Variants in KIF1B observed in about 807,000 individuals in gnomAD.
The protein encoded by KIF1B is kinesin-like protein KIF1B.
KIF1B carries 76 observed loss-of-function variants against 241.9 expected under a neutral mutation model. The ratio of observed to expected loss-of-function variants is 0.31; its 90% CI spans 0.26 to 0.38. KIF1B has a LOEUF of 0.38. KIF1B is among the 10% of genes least tolerant of loss of function. The pLI is 1.00. For synonymous variants in KIF1B, 750 were observed against 796.7 expected (o/e 0.94, Z 0.99); for missense variants, 1,622 against 2,271.4 (o/e 0.71, Z 5.81).
At chr1:10,341,932 A>G (rs1175015134) in intron 32 of KIF1B, 118 bp from the exon 33 acceptor site, 10 of 758,448 alleles carry the variant, frequency 1.3e-5, no homozygotes, top group Middle Eastern at 3.2e-4. Context: ...TTTGCGTGCT[A>G]CAGAGCAAGA....
chr1:10,212,985 C>T (rs1159635082), intron 1 of KIF1B, among the ~76,000 whole-genome samples: 3 of 147,914 alleles, frequency 2.0e-5, no homozygotes, highest in Non-Finnish European at 4.5e-5. Context: ...GGTCTTAACA[C>T]TATTTTTTTG....
intron 22 of KIF1B, chr1:10,304,796 A>T: frequency 3.3e-6 from 5 of 1,502,576 alleles, no homozygotes; most frequent in Non-Finnish European, 4.4e-6. Flanking sequence ...AAACACTGGT[A>T]AAAGTTTCAA....
rs549706683 is a variant in KIF1B, at chr1:10,340,103, A to C, written c.3513+244A>C. Among the ~76,000 whole-genome samples the C allele has an allele frequency of 7.9e-5, 12 of 152,340 alleles. No individual in the cohort carries two copies. In the South Asian group the frequency reaches 2.5e-3, roughly 32 times the overall value. On this transcript the variant is annotated intron_variant, in intron 32 of 48. Transcript: ENST00000676179. ...CCAATAAAATCTTCCATCAGTTTGA[A>C]TGCAATGAGTTGTTTTAGTGTTTCT...
At chr1:10,211,195 G>A (rs1289246106) in intron 1 of KIF1B, among the ~76,000 whole-genome samples, 1 of 152,222 alleles carries the variant, frequency 6.6e-6, no homozygotes, top group African/African-American at 2.4e-5. Flanking sequence ...CCGTTCCCTG[G>A]GCTCCGCGCA....
intron 22 of KIF1B, among the ~76,000 whole-genome samples, chr1:10,310,547 C>T (rs1331237844): frequency 6.6e-6 from 1 of 151,642 alleles, no homozygotes. Flanking sequence ...ACTGTGTTTA[C>T]AGAAACAGGC....
At chr1:10,308,419 A>G in intron 22 of KIF1B, 3 of 1,045,696 alleles carry the variant, frequency 2.9e-6, no homozygotes, top group Non-Finnish European at 3.5e-6. Flanking sequence ...TGTAAAATGA[A>G]GTTTTGAATC....
At chr1:10,305,815 A>G in intron 22 of KIF1B, 1 of 1,053,430 alleles carries the variant, frequency 9.5e-7, no homozygotes, top group Non-Finnish European at 1.1e-6. Flanking sequence ...GAAAAGAATT[A>G]TTTTCTACAT....
intron 29 of KIF1B, 104 bp from the exon 30 acceptor site, chr1:10,336,969 TC>T (rs1167566708): frequency 6.8e-7 from 1 of 1,476,100 alleles, no homozygotes; most frequent in African/African-American, 1.4e-5. Context: ...CATATAATTT[TC>T]CAGTCACTAT....
At chr1:10,360,748 G>A (rs938751715) in intron 38 of KIF1B, among the ~76,000 whole-genome samples, 181 bp from the exon 39 acceptor site, 1 of 151,928 alleles carries the variant, frequency 6.6e-6, no homozygotes, top group African/African-American at 2.4e-5. Flanking sequence ...GGGAGCAAGA[G>A]GATGGGGACC....
intron 45 of KIF1B, among the ~76,000 whole-genome samples, chr1:10,372,059 G>A (rs1410087741): frequency 1.3e-5 from 2 of 152,138 alleles, no homozygotes; most frequent in Non-Finnish European, 2.9e-5. Context: ...TCATCCACCT[G>A]TCTATCTTAT....
rs1008862338 is a variant in KIF1B, at chr1:10,268,392, T to G, written c.720+129T>G. 4.2e-6 allele frequency: 3 copies of G among 710,576 alleles called. No individual in the cohort carries two copies. In the Admixed American group the frequency reaches 6.1e-5, roughly 14 times the overall value. 44.0% of individuals were successfully genotyped at this position (710,576 alleles called of 1,614,324 possible). ...TGCTCTTTTACTTAATGGAGGGTGTTTTATACCTCTGCTTATCATTTTTCT... is the reference window on the plus strand; with the variant it reads ...TGCTCTTTTACTTAATGGAGGGTGTGTTATACCTCTGCTTATCATTTTTCT... On this transcript the variant is annotated intron_variant, in intron 7 of 48. Coordinates refer to ENST00000676179, the MANE Select transcript of KIF1B (RefSeq NM_001365951.3).
At chr1:10,312,907 CA>C (rs1219520817) in intron 22 of KIF1B, among the ~76,000 whole-genome samples, 1 of 151,606 alleles carries the variant, frequency 6.6e-6, no homozygotes, top group Non-Finnish European at 1.5e-5. Flanking sequence ...AGTAGGAGCA[CA>C]AAAGGTATTT....
chr1:10,322,045 TTAAA>T (rs1651545354), intron 24 of KIF1B, among the ~76,000 whole-genome samples, 188 bp downstream of exon 24: 1 of 152,256 alleles, frequency 6.6e-6, no homozygotes, highest in Non-Finnish European at 1.5e-5. Flanking sequence ...TAAATTTTTG[TTAAA>T]TAAAATTTTT....
chr1:10,217,597 G>A (rs1383979652), intron 1 of KIF1B, among the ~76,000 whole-genome samples: 1 of 152,010 alleles, frequency 6.6e-6, no homozygotes, highest in African/African-American at 2.4e-5. Flanking sequence ...GGTTACAGGC[G>A]TGAGCCACCG....
At chr1:10,261,618 C>T (rs538288260) in intron 4 of KIF1B, among the ~76,000 whole-genome samples, 3 of 152,196 alleles carry the variant, frequency 2.0e-5, no homozygotes, top group South Asian at 2.1e-4. Context: ...CCTAGGCCTA[C>T]ACAGGGTCAG....
At chr1:10,254,178 A>G (rs1035841135) in intron 2 of KIF1B, among the ~76,000 whole-genome samples, 1 of 152,240 alleles carries the variant, frequency 6.6e-6, no homozygotes, top group African/African-American at 2.4e-5. Context: ...TAAAGCATTC[A>G]TAGTCAGTCC....
At chr1:10,254,807 G>A (rs1311114635) in intron 2 of KIF1B, among the ~76,000 whole-genome samples, 1 of 148,798 alleles carries the variant, frequency 6.7e-6, no homozygotes, top group Non-Finnish European at 1.5e-5. Flanking sequence ...AACCTGGGAG[G>A]TGGAGCTTGC....
intron 22 of KIF1B, among the ~76,000 whole-genome samples, chr1:10,300,270 AG>A (rs1276873310): frequency 3.7e-5 from 4 of 107,054 alleles, no homozygotes; most frequent in Non-Finnish European, 6.3e-5. Context: ...ATAATAATAT[AG>A]ATAAATATAA....
At chr1:10,234,876 ATTTCT>A (rs1285773747) in intron 2 of KIF1B, among the ~76,000 whole-genome samples, 1 of 149,242 alleles carries the variant, frequency 6.7e-6, no homozygotes, top group Non-Finnish European at 1.5e-5. Flanking sequence ...TACTAAAATA[ATTTCT>A]TTTCTTTTTC....
Sources: gnomAD v4.1 joint callset for allele counts (sites outside exome capture counted in the v4.1 genomes callset) on GRCh38, gnomAD v4.1.1 for gene constraint, MANE v1.5 for transcripts, NCBI Gene and HGNC (gene_info 2026-07-23, HGNC 2026-07-21) for gene names.